The following NHSL2 variants were observed in gnomAD, a reference collection of about 807,000 sequenced individuals.
The protein encoded by NHSL2 is NHS like 2.
A neutral mutation model predicts 53.4 loss-of-function variants in NHSL2; 27 were observed. The ratio of observed to expected loss-of-function variants is 0.51; its 90% confidence interval spans 0.37 to 0.70. NHSL2 has a LOEUF of 0.70. Ranked by LOEUF, NHSL2 falls within the 30% of genes least tolerant of loss-of-function variation. The pLI is 0.00. For missense variants in NHSL2, 892 were observed against 980.1 expected, an observed-to-expected ratio of 0.91 and a Z score of 1.20; for synonymous variants, 408 against 404.1, an observed-to-expected ratio of 1.01 and a Z score of -0.12.
intron 1 of NHSL2, among the ~76,000 whole-genome samples, chrX:71,981,392 G>A (rs7882571): frequency 0.014 from 1,586 of 110,087 alleles, 32 homozygotes; most frequent in African/African-American, 0.05. Context: ...TTTAAAATAC[G>A]AAAATTAGCT....
chrX:72,029,882 A>T (rs2042205785), intron 1 of NHSL2, among the ~76,000 whole-genome samples: 1 of 112,099 alleles, frequency 8.9e-6, no homozygotes, highest in East Asian at 2.8e-4. Flanking sequence ...GTAAGGGTGC[A>T]TTTTTGGGAA....
intron 1 of NHSL2, among the ~76,000 whole-genome samples, chrX:72,047,714 A>T (rs2042312714): frequency 9.0e-6 from 1 of 111,554 alleles, no homozygotes. Context: ...GGGTATAGAG[A>T]AGGGTGGCCT....
At chrX:71,926,995 T>C (rs1278397034) in intron 1 of NHSL2, among the ~76,000 whole-genome samples, 1 of 111,862 alleles carries the variant, frequency 8.9e-6, no homozygotes, top group Non-Finnish European at 1.9e-5. Context: ...TCTATAATTC[T>C]ATAAAGGAGA....
Position 71,911,028 on chromosome X carries a change from G to C in NHSL2, c.-60G>C, listed in dbSNP as rs1284537863. 1 of 925,604 alleles carries C rather than the reference G, an allele frequency of 1.1e-6. No homozygotes were observed. Among genetic ancestry groups the C allele is most frequent in the Non-Finnish European group, 1.4e-6 (1 of 739,769 alleles). The allele number at this position is 925,604 out of a possible 1,213,427, so 76.3% of individuals were successfully genotyped here. On this transcript the variant is annotated 5_prime_UTR_variant, in exon 1 of 8. Coordinates refer to ENST00000633930, the MANE Select transcript of NHSL2 (RefSeq NM_001013627.3). ...CAGGGGCGCTCGGGCCAGGGGCGCT[G>C]CTCGGGGTGAGCCCGCCGCGCCGCC...
intron 1 of NHSL2, among the ~76,000 whole-genome samples, chrX:72,042,255 G>A (rs1222593238): frequency 8.9e-6 from 1 of 112,770 alleles, no homozygotes; most frequent in Non-Finnish European, 1.9e-5. Context: ...CTAGAATTGT[G>A]TTCAAACCAC....
At chrX:71,922,365 C>T (rs778019843) in intron 1 of NHSL2, among the ~76,000 whole-genome samples, 17 of 111,447 alleles carry the variant, frequency 1.5e-4, no homozygotes, top group African/African-American at 5.2e-4. Flanking sequence ...CTGGGAAATA[C>T]GAAGGCAAGG....
At chrX:72,033,067 T>C (rs2042223793) in intron 1 of NHSL2, among the ~76,000 whole-genome samples, 1 of 112,011 alleles carries the variant, frequency 8.9e-6, no homozygotes. Context: ...TTTTAGGGCC[T>C]AGTGCCTTTC....
At chrX:71,935,297 G>A (rs1007054648) in intron 1 of NHSL2, among the ~76,000 whole-genome samples, 2 of 112,591 alleles carry the variant, frequency 1.8e-5, no homozygotes, top group Admixed American at 1.9e-4. Context: ...GTCCCTGGGA[G>A]GGGGTCAGCA....
In NHSL2 at chrX:72,071,632, C is replaced by T. The variant is rs188662004; in HGVS notation, c.281-60447C>T. ...CCACAACACCACACCTTCTCACTCA[C>T]AATCCCTAGGTGATCCCAGAAGCCC... On this transcript the variant is annotated intron_variant, in intron 1 of 7. Transcript: ENST00000633930. Among the ~76,000 whole-genome samples the T allele has an allele frequency of 1.1e-3, 123 of 111,298 alleles. 1 individual carries two copies. The highest frequency in any genetic ancestry group is 3.9e-3 in the African/African-American group (118 of 30,617).
rs1491314809 is a variant in NHSL2, at chrX:71,964,010, T to TGG, written c.280+52644_280+52645insGG. The stretch of plus-strand genomic sequence containing the variant: ...ATATATATGTATATACATATATATA[T>TGG]GTATATATATATATGTGTATATATA... On this transcript the variant is annotated intron_variant, in intron 1 of 7. Transcript: ENST00000633930. Among the ~76,000 whole-genome samples, 154 of 3,963 alleles carry TGG rather than the reference T, an allele frequency of 0.039. 16 individuals are homozygous for TGG. In the East Asian group the frequency reaches 0.39, roughly 10 times the overall value. 3.4% of individuals were successfully genotyped at this position (3,963 alleles called of 115,157 possible).
chrX:72,009,168 T>A (rs949539722), intron 1 of NHSL2, among the ~76,000 whole-genome samples: 7 of 112,439 alleles, frequency 6.2e-5, no homozygotes, highest in Admixed American at 1.9e-4. Context: ...TCAGGAAGGA[T>A]CCCTGGAGGG....
chrX:71,951,951 C>T (rs1408820490), intron 1 of NHSL2, among the ~76,000 whole-genome samples: 1 of 111,650 alleles, frequency 9.0e-6, no homozygotes, highest in Non-Finnish European at 1.9e-5. Flanking sequence ...CTGTGATAGC[C>T]AGCCAGCCAT....
intron 1 of NHSL2, among the ~76,000 whole-genome samples, chrX:72,100,335 C>T (rs939778730): frequency 8.9e-6 from 1 of 112,352 alleles, no homozygotes; most frequent in African/African-American, 3.2e-5. Flanking sequence ...CCATACAGCA[C>T]GTGACTGTGC....
At chrX:72,045,210 A>G (rs772632262) in intron 1 of NHSL2, among the ~76,000 whole-genome samples, 168 of 112,271 alleles carry the variant, frequency 1.5e-3, no homozygotes, top group South Asian at 2.2e-3. Flanking sequence ...GGAAACACTC[A>G]AGGCAGGTCT....
Position 72,138,708 on chromosome X carries a change from C to A in NHSL2, c.1160C>A (p.Thr387Asn). The A allele has an allele frequency of 8.3e-7, 1 of 1,204,093 alleles. No individual in the cohort carries two copies. Among genetic ancestry groups the A allele is most frequent in the South Asian group, 1.8e-5 (1 of 55,486 alleles). The change falls in exon 6 of 8, where the codon ACC becomes AAC. Residue 387 changes from threonine to asparagine, a missense_variant. Transcript: ENST00000633930. ...TCTTGCAATGGACCTACAGAATCAA[C>A]CTTCTCCACTTCCTGGAAGGGAGAT... ...PSSCNGPTES[T>N]FSTSWKGDAF...
At chrX:71,957,335 C>T (rs1303400226) in intron 1 of NHSL2, among the ~76,000 whole-genome samples, 2 of 112,354 alleles carry the variant, frequency 1.8e-5, no homozygotes, top group Non-Finnish European at 3.8e-5. Flanking sequence ...GGCACGATCT[C>T]GGCTCACTGC....
chrX:71,911,176 A>G lies in NHSL2; in HGVS notation c.89A>G (p.His30Arg). The change falls in exon 1 of 8, where the codon CAC becomes CGC. Residue 30 changes from histidine to arginine, a missense_variant. By Grantham distance (29) the His-to-Arg change is conservative (BLOSUM62 0). Coordinates refer to ENST00000633930, the MANE Select transcript of NHSL2 (RefSeq NM_001013627.3). Reference sequence around the variant, plus strand: ...CTGGCGGAGCTCCGCGACGTGAGCCACCTGGCAGCGCTCAGCCTGCTCCGG... The same window carrying G: ...CTGGCGGAGCTCCGCGACGTGAGCCGCCTGGCAGCGCTCAGCCTGCTCCGG... Reference protein sequence around the residue: ...QQLAELRDVSHLAALSLLRQL... With the variant: ...QQLAELRDVSRLAALSLLRQL... The G allele has an allele frequency of 8.8e-7, 1 of 1,139,479 alleles. No homozygotes were observed. The highest frequency in any genetic ancestry group is 1.2e-6 in the Non-Finnish European group (1 of 864,570). 93.9% of individuals were successfully genotyped at this position (1,139,479 alleles called of 1,213,427 possible). A position where few individuals can be genotyped will look rare whatever the true frequency, so the allele number is the denominator to read the frequency against.
chrX:71,980,026 C>T (rs1430773562), intron 1 of NHSL2, among the ~76,000 whole-genome samples: 15 of 112,144 alleles, frequency 1.3e-4, no homozygotes, highest in African/African-American at 4.2e-4. Flanking sequence ...GGAATCCTTT[C>T]CCCATTTCTT....
At chrX:71,984,058 C>T (rs2041992300) in intron 1 of NHSL2, among the ~76,000 whole-genome samples, 1 of 111,446 alleles carries the variant, frequency 9.0e-6, no homozygotes, top group African/African-American at 3.3e-5. Context: ...GGTTCAAACA[C>T]CTCTGACATT....
Sources: gnomAD v4.1 joint callset for allele counts (sites outside exome capture counted in the v4.1 genomes callset) on GRCh38, gnomAD v4.1.1 for gene constraint, MANE v1.5 for transcripts, NCBI Gene and HGNC (gene_info 2026-07-23, HGNC 2026-07-21) for gene names.